ALOX5AP: variants seen among roughly 807,000 people sequenced by gnomAD.
The protein encoded by ALOX5AP is arachidonate 5-lipoxygenase-activating protein.
A neutral mutation model predicts 18.5 loss-of-function variants in ALOX5AP; 9 were observed. The observed-to-expected ratio is 0.49, with a 90% CI of 0.29 to 0.85. The LOEUF is 0.85. Among genes scored for constraint, ALOX5AP ranks in the 40% least tolerant of loss-of-function variants. The pLI, the probability that ALOX5AP is intolerant of heterozygous loss-of-function variation, is 0.08. For missense variants in ALOX5AP, 172 were observed against 202.5 expected (o/e 0.85, Z 0.91); for synonymous variants, 81 against 78.6 (o/e 1.03, Z -0.16).
intron 1 of ALOX5AP, among the ~76,000 whole-genome samples, chr13:30,726,828 G>A (rs375905110): frequency 6.6e-6 from 1 of 151,934 alleles, no homozygotes; most frequent in Non-Finnish European, 1.5e-5. Flanking sequence ...ACCATACCCA[G>A]CTGACCAGTT....
At chr13:30,747,987 T>C (rs1951822597) in intron 2 of ALOX5AP, among the ~76,000 whole-genome samples, 1 of 152,218 alleles carries the variant, frequency 6.6e-6, no homozygotes, top group African/African-American at 2.4e-5. Context: ...TGGTGCAATC[T>C]TGGCTGACTG....
At chr13:30,752,594 T>C (rs1951861521) in intron 3 of ALOX5AP, among the ~76,000 whole-genome samples, 1 of 152,224 alleles carries the variant, frequency 6.6e-6, no homozygotes, top group Non-Finnish European at 1.5e-5. Context: ...GCCCACAGGC[T>C]TGACTTGAGC....
At chr13:30,744,017 A>G in intron 1 of ALOX5AP, 43 bp from the exon 2 acceptor site, 7 of 1,545,258 alleles carry the variant, frequency 4.5e-6, no homozygotes, top group Non-Finnish European at 6.3e-6. Flanking sequence ...AGGCTCCTGA[A>G]CATGCCCACA....
intron 1 of ALOX5AP, among the ~76,000 whole-genome samples, chr13:30,741,552 C>A (rs1168011901): frequency 4.9e-5 from 5 of 101,412 alleles, no homozygotes; most frequent in African/African-American, 1.4e-4. Flanking sequence ...CCCTCCCCAC[C>A]CCCACCCCCC....
intron 1 of ALOX5AP, among the ~76,000 whole-genome samples, chr13:30,739,297 G>A (rs1433171209): frequency 6.6e-6 from 1 of 152,238 alleles, no homozygotes; most frequent in Non-Finnish European, 1.5e-5. Context: ...TGCCTTTGCA[G>A]AGACTGGAGG....
At chr13:30,760,584 G>A (rs1031617113) in intron 4 of ALOX5AP, among the ~76,000 whole-genome samples, 9 of 152,200 alleles carry the variant, frequency 5.9e-5, no homozygotes, top group Admixed American at 3.3e-4. Flanking sequence ...CCTGGTCTCC[G>A]AAGTCTGAAG....
chr13:30,732,058 C>T (rs1235544013), upstream of ALOX5AP, among the ~76,000 whole-genome samples: 1 of 152,228 alleles, frequency 6.6e-6, no homozygotes, highest in Non-Finnish European at 1.5e-5. Context: ...ATTTAATGGC[C>T]GTCTCGGCTA....
At chr13:30,748,369 A>G (rs1448698698) in intron 2 of ALOX5AP, among the ~76,000 whole-genome samples, 1 of 152,234 alleles carries the variant, frequency 6.6e-6, no homozygotes, top group Non-Finnish European at 1.5e-5. Context: ...AATTAACGGA[A>G]CACTAAAGAG....
intron 1 of ALOX5AP, among the ~76,000 whole-genome samples, chr13:30,724,382 C>T (rs1297463523): frequency 6.6e-6 from 1 of 152,156 alleles, no homozygotes; most frequent in Admixed American, 6.5e-5. Context: ...TATTTTGAAT[C>T]CTAAAAGACT....
chr13:30,741,553 C>A (rs1190305807), intron 1 of ALOX5AP, among the ~76,000 whole-genome samples: 11 of 5,480 alleles, frequency 2.0e-3, no homozygotes, highest in East Asian at 0.013. Flanking sequence ...CCTCCCCACC[C>A]CCACCCCCCA....
At chr13:30,727,591 A>T (rs923410306) in intron 1 of ALOX5AP, among the ~76,000 whole-genome samples, 1 of 152,172 alleles carries the variant, frequency 6.6e-6, no homozygotes, top group Non-Finnish European at 1.5e-5. Context: ...CGGGGAGGGC[A>T]TGTGGCTCTG....
At chr13:30,757,688 T>A (rs1200331761) in intron 4 of ALOX5AP, among the ~76,000 whole-genome samples, 2 of 152,118 alleles carry the variant, frequency 1.3e-5, no homozygotes, top group African/African-American at 4.8e-5. Flanking sequence ...CACCACTTGC[T>A]TGAGATCCTA....
upstream of ALOX5AP, among the ~76,000 whole-genome samples, chr13:30,731,008 C>T (rs560019017): frequency 6.5e-4 from 96 of 146,726 alleles, no homozygotes; most frequent in Admixed American, 2.0e-3. Flanking sequence ...TTACGGAGAG[C>T]GCTGGGAGCA....
intron 3 of ALOX5AP, among the ~76,000 whole-genome samples, chr13:30,753,228 C>T (rs1951866527): frequency 6.6e-6 from 1 of 152,200 alleles, no homozygotes; most frequent in Admixed American, 6.5e-5. Flanking sequence ...CAGCAGAAAC[C>T]ACTTAAGGGA....
At chr13:30,718,379 A>T (rs1951566065) in intron 1 of ALOX5AP, among the ~76,000 whole-genome samples, 1 of 35,786 alleles carries the variant, frequency 2.8e-5, no homozygotes, top group East Asian at 7.1e-4. Context: ...TATCACAGAT[A>T]TGCATATATA....
chr13:30,741,966 A>G (rs1487758593), intron 1 of ALOX5AP, among the ~76,000 whole-genome samples: 63 of 152,116 alleles, frequency 4.1e-4, no homozygotes, highest in Admixed American at 4.1e-3. Context: ...GAAAATGATC[A>G]GCATTTTCTG....
At chr13:30,735,351 C>T (rs1951711615), upstream of ALOX5AP, among the ~76,000 whole-genome samples, 1 of 147,376 alleles carries the variant, frequency 6.8e-6, no homozygotes, top group Admixed American at 6.9e-5. Context: ...GGAGAGTGTG[C>T]TGGCTTTGCG....
chr13:30,723,833 C>G (rs1191935708), intron 1 of ALOX5AP, among the ~76,000 whole-genome samples: 1 of 152,146 alleles, frequency 6.6e-6, no homozygotes, highest in Non-Finnish European at 1.5e-5. Flanking sequence ...CTCCTGTGCT[C>G]AAGCGATCCT....
At chr13:30,725,923 C>A (rs1951636074) in intron 1 of ALOX5AP, among the ~76,000 whole-genome samples, 2 of 152,160 alleles carry the variant, frequency 1.3e-5, no homozygotes, top group Admixed American at 1.3e-4. Context: ...CAACACCCTG[C>A]TGGCCTGGGG....
Sources: gnomAD v4.1 joint callset for allele counts (sites outside exome capture counted in the v4.1 genomes callset) on GRCh38, gnomAD v4.1.1 for gene constraint, MANE v1.5 for transcripts, NCBI Gene and HGNC (gene_info 2026-07-23, HGNC 2026-07-21) for gene names.